ATP10A: variants seen among roughly 807,000 people sequenced by gnomAD.
ATP10A encodes phospholipid-transporting ATPase VA.
ATP10A carries 111 observed loss-of-function variants against 147.8 expected under a neutral mutation model. That is an observed-to-expected ratio of 0.75 (90% CI 0.64 to 0.88). The LOEUF (loss-of-function observed/expected upper bound fraction) is 0.88. ATP10A is among the 40% of genes least tolerant of loss of function. The probability of loss-of-function intolerance (pLI) is 0.00; values close to 1 mark genes in which losing one functional copy is unlikely to be tolerated. For synonymous variants in ATP10A, 875 were observed against 841.6 expected (o/e 1.04, Z -0.69); for missense variants, 1,927 against 1,959.0 (o/e 0.98, Z 0.31).
chr15:25,856,079 T>C (rs1201814080), intron 1 of ATP10A, among the ~76,000 whole-genome samples: 31 of 152,340 alleles, frequency 2.0e-4, no homozygotes, highest in Admixed American at 2.0e-3. Flanking sequence ...TCTAAAATGA[T>C]TTCAAAGTAA....
At chr15:25,741,898 A>G (rs1371867691) in intron 2 of ATP10A, among the ~76,000 whole-genome samples, 1 of 151,602 alleles carries the variant, frequency 6.6e-6, no homozygotes, top group Non-Finnish European at 1.5e-5. Context: ...TGGTGGCAAG[A>G]AACACCGAAC....
intron 17 of ATP10A, among the ~76,000 whole-genome samples, chr15:25,682,180 A>G (rs1160717628): frequency 1.3e-5 from 2 of 151,518 alleles, no homozygotes; most frequent in Non-Finnish European, 2.9e-5. Flanking sequence ...GAGCCCTTCT[A>G]TTCCTTCCAC....
intron 2 of ATP10A, among the ~76,000 whole-genome samples, chr15:25,742,208 G>A (rs1296942900): frequency 1.3e-5 from 2 of 152,226 alleles, no homozygotes; most frequent in African/African-American, 2.4e-5. Flanking sequence ...GTGACAAGCT[G>A]ACAGGGACAA....
chr15:25,839,168 G>T (rs557586664), intron 1 of ATP10A, among the ~76,000 whole-genome samples: 6 of 152,292 alleles, frequency 3.9e-5, no homozygotes, highest in African/African-American at 1.4e-4. Context: ...CAGGTGAAGG[G>T]CTGTGATATT....
chr15:25,762,939 A>C (rs1422899310), intron 2 of ATP10A, among the ~76,000 whole-genome samples: 1 of 152,202 alleles, frequency 6.6e-6, no homozygotes, highest in Non-Finnish European at 1.5e-5. Context: ...CTGTTTAAAA[A>C]ACGAAAGGGC....
At chr15:25,712,429 C>T (rs999760010) in intron 10 of ATP10A, among the ~76,000 whole-genome samples, 1 of 152,226 alleles carries the variant, frequency 6.6e-6, no homozygotes, top group Non-Finnish European at 1.5e-5. Context: ...CCCCCACATG[C>T]CAGGGCCACT....
chr15:25,772,849 G>C (rs1252599488), intron 2 of ATP10A, among the ~76,000 whole-genome samples: 1 of 152,098 alleles, frequency 6.6e-6, no homozygotes, highest in Admixed American at 6.5e-5. Context: ...GGAACATAAG[G>C]CCTTCTGACA....
Position 25,679,374 on chromosome 15 carries a change from T to C in ATP10A, c.4467A>G (p.Leu1489=). ...RSGLQGPDHR[L]LIGASSRRSQ Reference sequence around the variant, plus strand: ...ACCGCCTTGAAGATGCTCCTATAAGTAGTCTGTGGTCTGGCCCTTGAAGTC... The same window carrying C: ...ACCGCCTTGAAGATGCTCCTATAAGCAGTCTGTGGTCTGGCCCTTGAAGTC... The change falls in exon 21 of 21, where the codon CTA becomes CTG. Residue 1489 remains leucine, a synonymous_variant. Transcript: ENST00000555815. 4 of 1,596,442 alleles carry C rather than the reference T, an allele frequency of 2.5e-6. No individual in the cohort carries two copies. Among genetic ancestry groups the C allele is most frequent in the Non-Finnish European group, 3.4e-6 (4 of 1,166,108 alleles).
chr15:25,790,372 G>A (rs1890353867), intron 1 of ATP10A, among the ~76,000 whole-genome samples: 1 of 152,204 alleles, frequency 6.6e-6, no homozygotes, highest in African/African-American at 2.4e-5. Context: ...CAGATGTGTG[G>A]AAGCACATGT....
chr15:25,713,050 T>C (rs1030816341), intron 10 of ATP10A, among the ~76,000 whole-genome samples: 5 of 152,124 alleles, frequency 3.3e-5, no homozygotes, highest in African/African-American at 1.2e-4. Context: ...GTGCAGCAAA[T>C]AGGAAGCCCG....
intron 3 of ATP10A, among the ~76,000 whole-genome samples, chr15:25,732,347 C>T (rs564833500): frequency 4.4e-4 from 67 of 152,050 alleles, no homozygotes; most frequent in African/African-American, 1.6e-3. Flanking sequence ...GTGATCCTCC[C>T]ACATCAGCCT....
chr15:25,770,545 T>C (rs1218549810), intron 2 of ATP10A, among the ~76,000 whole-genome samples: 1 of 152,204 alleles, frequency 6.6e-6, no homozygotes, highest in Admixed American at 6.5e-5. Flanking sequence ...CAGTGTCAGA[T>C]GGCACTGTTA....
chr15:25,712,862 T>C (rs1035366966), intron 10 of ATP10A, among the ~76,000 whole-genome samples: 5 of 152,172 alleles, frequency 3.3e-5, no homozygotes, highest in African/African-American at 1.2e-4. Flanking sequence ...TCCCATCCAA[T>C]TCTCCATCAT....
At chr15:25,750,918 G>C (rs936991218) in intron 2 of ATP10A, among the ~76,000 whole-genome samples, 14 of 151,840 alleles carry the variant, frequency 9.2e-5, no homozygotes, top group Admixed American at 2.6e-4. Flanking sequence ...AAAAGAAGCA[G>C]AAAAAGAAGA....
At chr15:25,845,757 A>G (rs1160939931) in intron 1 of ATP10A, among the ~76,000 whole-genome samples, 2 of 152,170 alleles carry the variant, frequency 1.3e-5, no homozygotes, top group African/African-American at 4.8e-5. Flanking sequence ...CCCAGGGTGC[A>G]TGCTGCCCTA....
chr15:25,678,389 A>G (rs531459549), downstream of ATP10A: 1 of 152,202 alleles, frequency 6.6e-6, no homozygotes, highest in Admixed American at 6.5e-5. Context: ...ACAAAGTAGA[A>G]AGAAGGGCTC....
downstream of ATP10A, among the ~76,000 whole-genome samples, chr15:25,674,480 T>C (rs989990272): frequency 2.6e-5 from 4 of 152,160 alleles, no homozygotes; most frequent in African/African-American, 9.7e-5. Flanking sequence ...TCCCCTTCTT[T>C]GTTTTATTTA....
chr15:25,769,605 G>A (rs1889231264), intron 2 of ATP10A, among the ~76,000 whole-genome samples: 1 of 151,560 alleles, frequency 6.6e-6, no homozygotes, highest in Non-Finnish European at 1.5e-5. Flanking sequence ...TCAGCCTTCA[G>A]CTAACTTTCT....
At position 25,718,495 on chromosome 15, in the gene ATP10A, G is replaced by A. The variant is rs541936812; in HGVS notation, c.1364-96C>T. On this transcript the variant is annotated intron_variant, in intron 7 of 20. Coordinates refer to ENST00000555815, the MANE Select transcript of ATP10A (RefSeq NM_024490.4). Reference sequence around the variant, plus strand: ...GTGTTTTAGGTTCCGCGAGGCTTCCGGCAGGGCAGCCCCACAGGATTCACC... The same window carrying A: ...GTGTTTTAGGTTCCGCGAGGCTTCCAGCAGGGCAGCCCCACAGGATTCACC... The A allele has an allele frequency of 3.4e-5, 44 of 1,281,014 alleles. No individual in the cohort carries two copies. In the African/African-American group the frequency reaches 4.5e-4, roughly 13 times the overall value. The allele number at this position is 1,281,014 out of a possible 1,614,324, so 79.4% of individuals were successfully genotyped here.
Sources: gnomAD v4.1 joint callset for allele counts (sites outside exome capture counted in the v4.1 genomes callset) on GRCh38, gnomAD v4.1.1 for gene constraint, MANE v1.5 for transcripts, NCBI Gene and HGNC (gene_info 2026-07-23, HGNC 2026-07-21) for gene names.